The following C17orf75 variants were observed in gnomAD, a reference collection of about 807,000 sequenced individuals.
C17orf75 encodes protein Njmu-R1.
A neutral mutation model predicts 49.6 loss-of-function variants in C17orf75; 32 were observed. That is an observed-to-expected ratio of 0.65 (90% confidence interval 0.49 to 0.87). The LOEUF (loss-of-function observed/expected upper bound fraction) is 0.87. C17orf75 is among the 40% of genes least tolerant of loss of function. C17orf75 has a pLI of 0.00. For missense variants in C17orf75, 428 were observed against 473.9 expected (o/e 0.90, Z 0.90); for synonymous variants, 158 against 159.5 (o/e 0.99, Z 0.07).
intron 3 of C17orf75, 81 bp downstream of exon 3, chr17:32,339,732 G>A (rs2041360850): frequency 2.6e-6 from 4 of 1,558,702 alleles, no homozygotes; most frequent in Non-Finnish European, 2.6e-6. Context: ...TCTAGTAGGA[G>A]CTGATCTTTT....
intron 1 of C17orf75, among the ~76,000 whole-genome samples, chr17:32,347,494 C>T (rs1247085937): frequency 6.6e-6 from 1 of 152,062 alleles, no homozygotes; most frequent in Non-Finnish European, 1.5e-5. Context: ...GTTGGCCAGG[C>T]TGGTCTCGAA....
chr17:32,340,228 C>T (rs529785819), intron 2 of C17orf75, among the ~76,000 whole-genome samples: 58 of 152,310 alleles, frequency 3.8e-4, no homozygotes, highest in African/African-American at 1.4e-3. Flanking sequence ...AGTTTCTCAT[C>T]TCACTTCCCT....
chr17:32,342,296 T>A, upstream of C17orf75: 1 of 1,245,328 alleles, frequency 8.0e-7, no homozygotes, highest in Non-Finnish European at 1.0e-6. Flanking sequence ...GGAAAGGGAG[T>A]CTCTTCTCCC....
At chr17:32,337,078 A>G (rs1292248903) in intron 5 of C17orf75, among the ~76,000 whole-genome samples, 1 of 152,104 alleles carries the variant, frequency 6.6e-6, no homozygotes, top group African/African-American at 2.4e-5. Context: ...TGGAGCCCAG[A>G]AAAGGCTGCA....
upstream of C17orf75, among the ~76,000 whole-genome samples, chr17:32,342,473 C>T (rs2041391165): frequency 6.6e-6 from 1 of 152,220 alleles, no homozygotes; most frequent in South Asian, 2.1e-4. Context: ...CCTCCTTGCG[C>T]GCGTGCCAGC....
chr17:32,332,012 A>T, intron 9 of C17orf75, 34 bp from the exon 10 acceptor site: 1 of 1,543,742 alleles, frequency 6.5e-7, no homozygotes, highest in Non-Finnish European at 8.9e-7. Flanking sequence ...AAATGTGTTA[A>T]GTGAAATAAT....
chr17:32,342,008 G>T lies in C17orf75; in HGVS notation c.132C>A (p.Arg44=). ...SSSHYCLYSY[R]GSRLAQQRGD... Reference sequence around the variant, plus strand: ...GAGCTGGGCGCCAGCACCTGCTTCCGCGATAGCTGTAAAGACAGTAGTGGC... The same window carrying T: ...GAGCTGGGCGCCAGCACCTGCTTCCTCGATAGCTGTAAAGACAGTAGTGGC... The change falls in exon 1 of 10, where the codon CGC becomes CGA. Residue 44 remains arginine (R), a synonymous_variant. Coordinates refer to ENST00000577809, the MANE Select transcript of C17orf75 (RefSeq NM_022344.4). 2 of 1,468,702 alleles carry T rather than the reference G, an allele frequency of 1.4e-6. No homozygotes were observed. The allele number at this position is 1,468,702 out of a possible 1,614,324, so 91.0% of individuals were successfully genotyped here.
At chr17:32,346,240 C>A (rs56884672), upstream of C17orf75, among the ~76,000 whole-genome samples, 3 of 151,798 alleles carry the variant, frequency 2.0e-5, no homozygotes, top group Non-Finnish European at 4.4e-5. Flanking sequence ...GACAACAAAG[C>A]GAGACCTTAC....
chr17:32,338,789 G>A (rs2041350709), intron 3 of C17orf75, among the ~76,000 whole-genome samples: 1 of 152,108 alleles, frequency 6.6e-6, no homozygotes, highest in South Asian at 2.1e-4. Flanking sequence ...AGTTGAACTA[G>A]AATAAAGAGG....
In C17orf75 at chr17:32,329,948, T is replaced by G. The variant is rs780979869; in HGVS notation, c.*1815A>C. ...ATCTCTGCCTCCCGGGTTCAAGCGA[T>G]TCTCCTGCCTCAGCCTCCCAAGTAG... On this transcript the variant is annotated 3_prime_UTR_variant, in exon 10 of 10. Transcript: ENST00000577809. 2.6e-5 allele frequency: 4 copies of G among 152,472 alleles called. No individual in the cohort carries two copies. Among genetic ancestry groups the G allele is most frequent in the Non-Finnish European group, 5.9e-5 (4 of 68,156 alleles). The allele number at this position is 152,472 out of a possible 1,614,324, so 9.4% of individuals were successfully genotyped here.
At chr17:32,341,154 T>C (rs751980118) in intron 2 of C17orf75, 50 bp downstream of exon 2, 37 of 1,578,858 alleles carry the variant, frequency 2.3e-5, no homozygotes, top group Non-Finnish European at 2.9e-5. Context: ...AGGCCAGAGA[T>C]GCAGGGAAGA....
At chr17:32,334,754 T>C in intron 7 of C17orf75, 21 bp downstream of exon 7, 1 of 1,583,482 alleles carries the variant, frequency 6.3e-7, no homozygotes, top group Non-Finnish European at 8.6e-7. Flanking sequence ...AGCTTTTCTC[T>C]TTGAAAAAAC....
Position 32,338,492 on chromosome 17 carries a change from G to A in C17orf75, c.348-141C>T, listed in dbSNP as rs552111777. ...TAACTCAGAGCTTCCCAGACTTCTC[G>A]TTGGTGTACTTGCAGCAGCAAAGAA... On this transcript the variant is annotated intron_variant, in intron 3 of 9. Transcript: ENST00000577809. 62 of 804,538 alleles carry A rather than the reference G, an allele frequency of 7.7e-5. No homozygotes were observed. The South Asian group carries it at 1.1e-3, about 14-fold the overall frequency. The allele number at this position is 804,538 out of a possible 1,614,324, so 49.8% of individuals were successfully genotyped here.
chr17:32,333,415 AC>A lies in C17orf75; in HGVS notation c.975+1del. ...GCACTTGGCACACAGCCAACTAATT[AC>A]CTTTAGTTTAAAGTTCTCCAGTACT... is the stretch of plus-strand genomic sequence containing the variant. On this transcript the variant is annotated splice_donor_variant, in intron 9 of 9. Coordinates refer to ENST00000577809, the MANE Select transcript of C17orf75 (RefSeq NM_022344.4). LOFTEE classifies it high-confidence loss of function. The A allele has an allele frequency of 6.3e-7, 1 of 1,594,342 alleles. No homozygotes were observed. The highest frequency in any genetic ancestry group is 8.6e-7 in the Non-Finnish European group (1 of 1,169,200).
rs988312008 is a variant in C17orf75, at chr17:32,339,904, C to T, written c.256G>A (p.Val86Met). The stretch of plus-strand genomic sequence containing the variant: ...ATGAAACTGCGCAGCTCTGGCTCCA[C>T]TTCGGATGGTAGATTAGTATCTGCC... ...SLADTNLPSE[V>M]EPELRSFIAK... The change falls in exon 3 of 10, where the codon GTG (valine) becomes ATG (methionine). Residue 86 changes from valine to methionine, a missense_variant. Coordinates refer to ENST00000577809, the MANE Select transcript of C17orf75 (RefSeq NM_022344.4). The T allele has an allele frequency of 1.1e-5, 18 of 1,613,930 alleles. No individual in the cohort carries two copies. Among genetic ancestry groups the T allele is most frequent in the Non-Finnish European group, 4.2e-6 (5 of 1,179,900 alleles).
At chr17:32,341,356 G>A in intron 1 of C17orf75, 72 bp from the exon 2 acceptor site, 3 of 1,479,732 alleles carry the variant, frequency 2.0e-6, no homozygotes, top group Non-Finnish European at 2.8e-6. Context: ...GGCCTGGCAA[G>A]CAGGGTAAGG....
chr17:32,343,031 C>G (rs1445559758), upstream of C17orf75, among the ~76,000 whole-genome samples: 1 of 152,168 alleles, frequency 6.6e-6, no homozygotes, highest in Non-Finnish European at 1.5e-5. Context: ...AATTACATTT[C>G]AACATGAATT....
chr17:32,340,039 C>A (rs1053357545), intron 2 of C17orf75, 101 bp from the exon 3 acceptor site: 224 of 1,398,872 alleles, frequency 1.6e-4, no homozygotes, highest in Non-Finnish European at 2.0e-4. Flanking sequence ...CTTTTAAGGA[C>A]TGGGGAAAGC....
intron 1 of C17orf75, among the ~76,000 whole-genome samples, chr17:32,349,239 T>G (rs946138945): frequency 6.6e-6 from 1 of 152,170 alleles, no homozygotes; most frequent in Non-Finnish European, 1.5e-5. Context: ...TTTGCTCCCT[T>G]ACGGAGATAC....
Sources: gnomAD v4.1 joint callset for allele counts (sites outside exome capture counted in the v4.1 genomes callset) on GRCh38, gnomAD v4.1.1 for gene constraint, MANE v1.5 for transcripts, NCBI Gene and HGNC (gene_info 2026-07-23, HGNC 2026-07-21) for gene names.